STK3: variants seen among roughly 807,000 people sequenced by gnomAD.
The protein encoded by STK3 is serine/threonine kinase 3.
A neutral mutation model predicts 58.0 loss-of-function variants in STK3; 41 were observed. The ratio of observed to expected loss-of-function variants is 0.71; its 90% CI spans 0.55 to 0.92. The LOEUF (loss-of-function observed/expected upper bound fraction) is 0.92, where lower values mean the gene tolerates loss of function less well. Ranked by LOEUF, STK3 falls within the 40% of genes least tolerant of loss-of-function variation. The probability of loss-of-function intolerance (pLI) is 0.00; values close to 1 mark genes in which losing one functional copy is unlikely to be tolerated. For missense variants in STK3, 479 were observed against 602.7 expected (o/e 0.79, Z 2.15); for synonymous variants, 170 against 191.0 (o/e 0.89, Z 0.91).
chr8:98,510,555 A>T (rs182774966), intron 10 of STK3, among the ~76,000 whole-genome samples: 1 of 152,126 alleles, frequency 6.6e-6, no homozygotes, highest in East Asian at 1.9e-4. Context: ...TCCACTATTA[A>T]TAATTTCTAT....
chr8:98,841,853 A>T (rs943116573), intron 3 of STK3, among the ~76,000 whole-genome samples: 1 of 152,142 alleles, frequency 6.6e-6, no homozygotes, highest in Admixed American at 6.5e-5. Context: ...AGGAAAGACA[A>T]AGTATCTTTC....
At chr8:98,931,709 C>G (rs1270717709) in intron 1 of STK3, among the ~76,000 whole-genome samples, 1 of 152,098 alleles carries the variant, frequency 6.6e-6, no homozygotes, top group Non-Finnish European at 1.5e-5. Flanking sequence ...AGAAAGGAGC[C>G]CTGTCAGAAC....
intron 7 of STK3, among the ~76,000 whole-genome samples, chr8:98,585,507 T>G (rs1347065860): frequency 6.6e-6 from 1 of 150,758 alleles, no homozygotes; most frequent in Non-Finnish European, 1.5e-5. Context: ...AGCCTTGTAG[T>G]ATAGTTTGAA....
At chr8:98,400,268 G>A (rs1817930214), downstream of STK3, among the ~76,000 whole-genome samples, 1 of 152,226 alleles carries the variant, frequency 6.6e-6, no homozygotes. Flanking sequence ...ATAATGAAAG[G>A]AAGAGCAAGC....
intron 2 of STK3, among the ~76,000 whole-genome samples, chr8:98,769,664 T>A (rs1831172983): frequency 6.6e-6 from 1 of 152,230 alleles, no homozygotes; most frequent in African/African-American, 2.4e-5. Flanking sequence ...TGGCATTCAG[T>A]GGCAAACAGT....
chr8:98,786,754 C>T (rs1298291795), intron 1 of STK3, among the ~76,000 whole-genome samples: 1 of 152,140 alleles, frequency 6.6e-6, no homozygotes. Context: ...CCTAATCTTG[C>T]TAGAGTAGTA....
chr8:98,763,635 T>G (rs1407009405), intron 3 of STK3, among the ~76,000 whole-genome samples: 1 of 152,142 alleles, frequency 6.6e-6, no homozygotes, highest in Non-Finnish European at 1.5e-5. Flanking sequence ...AGCTAAAATC[T>G]AAGTTTCTCC....
At chr8:98,391,641 C>A (rs1359367690), upstream of STK3, 3 of 152,184 alleles carry the variant, frequency 2.0e-5, no homozygotes, top group Non-Finnish European at 2.9e-5. Flanking sequence ...AATGGTACAC[C>A]AAATTTGTGC....
At chr8:98,591,320 G>A (rs1422123910) in intron 7 of STK3, among the ~76,000 whole-genome samples, 2 of 152,132 alleles carry the variant, frequency 1.3e-5, no homozygotes, top group Admixed American at 6.5e-5. Context: ...ATTCAATTGC[G>A]TCTACAAAAC....
chr8:98,846,077 T>TA (rs1836188702), intron 3 of STK3, among the ~76,000 whole-genome samples: 1 of 152,196 alleles, frequency 6.6e-6, no homozygotes, highest in South Asian at 2.1e-4. Flanking sequence ...GCTGCTGGAA[T>TA]AGCCACCTCA....
At chr8:98,562,009 C>T (rs1812074060) in intron 8 of STK3, among the ~76,000 whole-genome samples, 1 of 152,052 alleles carries the variant, frequency 6.6e-6, no homozygotes, top group African/African-American at 2.4e-5. Flanking sequence ...CAAACAAAAA[C>T]CCTGACCATA....
At chr8:98,716,626 G>C (rs1045470594) in intron 4 of STK3, among the ~76,000 whole-genome samples, 10 of 152,060 alleles carry the variant, frequency 6.6e-5, no homozygotes, top group African/African-American at 2.4e-4. Flanking sequence ...CAGATTCAAT[G>C]TAATCCCTAT....
chr8:98,877,018 G>T (rs550887376), intron 3 of STK3, among the ~76,000 whole-genome samples: 16 of 152,306 alleles, frequency 1.1e-4, no homozygotes, highest in Admixed American at 3.9e-4. Context: ...ACATAGCCTT[G>T]CAGTGTTATC....
At chr8:98,888,456 AC>A (rs1838076792) in intron 1 of STK3, among the ~76,000 whole-genome samples, 1 of 152,172 alleles carries the variant, frequency 6.6e-6, no homozygotes, top group Non-Finnish European at 1.5e-5. Flanking sequence ...GAGTAGACAA[AC>A]CTGATTTATA....
At chr8:98,903,845 T>C (rs1014970859) in intron 1 of STK3, among the ~76,000 whole-genome samples, 1 of 152,180 alleles carries the variant, frequency 6.6e-6, no homozygotes. Flanking sequence ...TTTTTTATCA[T>C]CTGTCACACA....
At chr8:98,641,566 C>T (rs117933430) in intron 6 of STK3, among the ~76,000 whole-genome samples, 2,088 of 152,242 alleles carry the variant, frequency 0.014, 20 homozygotes, top group Non-Finnish European at 0.021. Flanking sequence ...GAAATTCCTG[C>T]CCTCATGTTG....
chr8:98,662,056 T>C (rs1822005552), intron 6 of STK3, among the ~76,000 whole-genome samples: 2 of 152,116 alleles, frequency 1.3e-5, no homozygotes. Context: ...TTGTCCCTAG[T>C]ATACGCAAAA....
At chr8:98,705,769 T>C (rs1825922140) in intron 6 of STK3, among the ~76,000 whole-genome samples, 1 of 152,180 alleles carries the variant, frequency 6.6e-6, no homozygotes, top group Non-Finnish European at 1.5e-5. Flanking sequence ...TACCTATTTA[T>C]GATGATGAAC....
At chr8:98,702,700 G>A (rs567548722) in intron 6 of STK3, among the ~76,000 whole-genome samples, 24 of 152,286 alleles carry the variant, frequency 1.6e-4, no homozygotes, top group Non-Finnish European at 2.8e-4. Context: ...TATACAGCTA[G>A]TGGGCAGGCA....
Sources: gnomAD v4.1 joint callset for allele counts (sites outside exome capture counted in the v4.1 genomes callset) on GRCh38, gnomAD v4.1.1 for gene constraint, MANE v1.5 for transcripts, NCBI Gene and HGNC (gene_info 2026-07-23, HGNC 2026-07-21) for gene names.